Variants in SMARCA4 observed in about 807,000 individuals in gnomAD.
SMARCA4 encodes the protein SWI/SNF related BAF chromatin remodeling complex subunit ATPase 4.
Under a neutral mutation model 193.9 loss-of-function variants are expected in SMARCA4, and 31 were observed. The ratio of observed to expected loss-of-function variants is 0.16; its 90% CI spans 0.12 to 0.22. The LOEUF (loss-of-function observed/expected upper bound fraction) is 0.22, where lower values mean the gene tolerates loss of function less well. Ranked by LOEUF, SMARCA4 falls within the 10% of genes least tolerant of loss-of-function variation. SMARCA4 has a pLI of 1.00. For synonymous variants in SMARCA4, 942 were observed against 933.1 expected, an observed-to-expected ratio of 1.01 and a Z score of -0.17; for missense variants, 1,148 against 2,296.0, an observed-to-expected ratio of 0.50 and a Z score of 10.22.
Position 11,003,715 on chromosome 19 carries a change from T to G in SMARCA4, c.2001+318T>G, listed in dbSNP as rs549960117. On this transcript the variant is annotated intron_variant, in intron 13 of 34. Transcript: ENST00000344626. ...AATGGTCTGCCTCATTTGCCCATTT[T>G]TTTTTTTTTTTTTTGAAACGGAGTC... Among the ~76,000 whole-genome samples the G allele has an allele frequency of 1.2e-3, 185 of 151,788 alleles. 1 individual carries two copies. The highest frequency in any genetic ancestry group is 4.2e-3 in the African/African-American group (174 of 41,388).
chr19:11,033,812 A>G lies in SMARCA4; in HGVS notation c.3820A>G (p.Thr1274Ala), dbSNP rs1600393687. The G allele has an allele frequency of 1.3e-6, 1 of 779,380 alleles. No homozygotes were observed. The highest frequency in any genetic ancestry group is 2.3e-4 in the Middle Eastern group (1 of 4,444). 48.3% of individuals were successfully genotyped at this position (779,380 alleles called of 1,614,324 possible). ...CAGCGGCAGTGCCAGCTTCGCCCAC[A>G]CTGCCCCTCCGCCAGCGGGCGTCAA... ...TGSGSASFAH[T>A]APPPAGVNPD... is the part of the protein sequence containing the mutation. The change falls in exon 27 of 35, where the codon ACT becomes GCT. Residue 1274 changes from threonine to alanine, a missense_variant. Physicochemically the swap from Thr to Ala is moderately conservative, Grantham distance 58. Around this residue, in one of 17 missense-constraint regions of SMARCA4, gnomAD observed 84 missense variants for 202.2 expected, o/e 0.42. Transcript: ENST00000344626. The surrounding 1 kb of genome is among the most constrained non-coding windows in gnomAD (Gnocchi z 9.8).
intron 10 of SMARCA4, 31 bp downstream of exon 10, chr19:10,996,411 G>T: frequency 6.2e-7 from 1 of 1,613,808 alleles, no homozygotes; most frequent in Non-Finnish European, 8.5e-7. Context: ...TGCCCGCCGC[G>T]GGTGGGATGG....
Position 11,032,187 on chromosome 19 carries a change from G to A in SMARCA4, c.3547-1103G>A, listed in dbSNP as rs1368485481. On this transcript the variant is annotated intron_variant, in intron 25 of 34. Coordinates refer to ENST00000344626, the MANE Select transcript of SMARCA4 (RefSeq NM_003072.5). Reference sequence around the variant, plus strand: ...GCCCTGCCAGGAAGTGTGCTGACAGGGCAGGAGGGCTGAGCGGCAGACACA... The same window carrying A: ...GCCCTGCCAGGAAGTGTGCTGACAGAGCAGGAGGGCTGAGCGGCAGACACA... 2.0e-5 allele frequency: 3 copies of A among 152,240 alleles called. No homozygotes were observed. In the East Asian group the frequency reaches 5.8e-4, roughly 29 times the overall value. The allele number at this position is 152,240 out of a possible 1,614,324, so 9.4% of individuals were successfully genotyped here.
rs963956125 is a variant in SMARCA4 at position 11,033,227 on chromosome 19, G to A, written c.3547-63G>A. 16 of 1,287,400 alleles carry A rather than the reference G, an allele frequency of 1.2e-5. No homozygotes were observed. The East Asian group carries it at 3.2e-4, about 26-fold the overall frequency. 79.7% of individuals were successfully genotyped at this position (1,287,400 alleles called of 1,614,324 possible). ...GCACACCTCTCCAGCTAGTGTCAGA[G>A]GCCACCTTCCCTTTTATGACCTCCT... On this transcript the variant is annotated intron_variant, in intron 25 of 34. Coordinates refer to ENST00000344626, the MANE Select transcript of SMARCA4 (RefSeq NM_003072.5). The surrounding 1 kb of genome is among the most constrained non-coding windows in gnomAD (Gnocchi z 9.8).
intron 30 of SMARCA4, among the ~76,000 whole-genome samples, chr19:11,057,202 T>A (rs1276359625): frequency 2.6e-5 from 4 of 152,194 alleles, no homozygotes; most frequent in Non-Finnish European, 5.9e-5. Flanking sequence ...TTGCCATGCG[T>A]TCTCATTTTC....
At chr19:11,015,614 G>A (rs1216344520) in intron 16 of SMARCA4, among the ~76,000 whole-genome samples, 1 of 152,110 alleles carries the variant, frequency 6.6e-6, no homozygotes, top group Non-Finnish European at 1.5e-5. Flanking sequence ...CGACACTTGT[G>A]AATATCTCAT....
At position 10,985,478 on chromosome 19, in the gene SMARCA4, G is replaced by C. The variant is rs1039757191; in HGVS notation, c.355+73G>C. ...TCCTCAGATCATTTTCCTCCCCTGG[G>C]TTCCCACAGGATGGATTCAGGGAGT... On this transcript the variant is annotated intron_variant, in intron 3 of 34. Transcript: ENST00000344626. The surrounding 1 kb of genome is among the most constrained non-coding windows in gnomAD (Gnocchi z 4.5). 1 of 1,555,120 alleles carries C rather than the reference G, an allele frequency of 6.4e-7. No individual in the cohort carries two copies. The highest frequency in any genetic ancestry group is 8.8e-7 in the Non-Finnish European group (1 of 1,142,360).
chr19:11,019,058 A>G lies in SMARCA4; in HGVS notation c.2505+35A>G, dbSNP rs371372272. ...AGCCACTGAGGTTTCCTCTCTTGCT[A>G]CGGAGGTGCAGGCGGTGGTGGGCAG... On this transcript the variant is annotated intron_variant, in intron 17 of 34. Coordinates refer to ENST00000344626, the MANE Select transcript of SMARCA4 (RefSeq NM_003072.5). The surrounding 1 kb of genome is among the most constrained non-coding windows in gnomAD (Gnocchi z 6.1). 7 of 1,541,092 alleles carry G rather than the reference A, an allele frequency of 4.5e-6. No individual in the cohort carries two copies. In the African/African-American group the frequency reaches 6.8e-5, roughly 15 times the overall value.
Position 11,030,947 on chromosome 19 carries a change from C to T in SMARCA4, c.3546+54C>T, listed in dbSNP as rs1402457315. 3.9e-6 allele frequency: 6 copies of T among 1,545,814 alleles called. No homozygotes were observed. The highest frequency in any genetic ancestry group is 5.3e-6 in the Non-Finnish European group (6 of 1,133,222). On this transcript the variant is annotated intron_variant, in intron 25 of 34. Transcript: ENST00000344626. This position sits in a 1 kb window ranked among gnomAD's most constrained non-coding sequence, Gnocchi z 5.5. ...GAGAAGGAAGGGGGTGCCTGCAAAA[C>T]CTCGAGGAGACGGCCCTGGCTTGAG...
intron 30 of SMARCA4, among the ~76,000 whole-genome samples, chr19:11,051,189 C>T (rs1463271424): frequency 6.6e-6 from 1 of 152,234 alleles, no homozygotes; most frequent in Non-Finnish European, 1.5e-5. Flanking sequence ...GGGCCCTACC[C>T]CCAAGTCTCC....
intron 14 of SMARCA4, among the ~76,000 whole-genome samples, chr19:11,009,475 A>G (rs997231520): frequency 1.3e-5 from 2 of 152,140 alleles, no homozygotes; most frequent in Non-Finnish European, 2.9e-5. Flanking sequence ...GATGATCAGC[A>G]TCTGGCTAGG....
chr19:10,971,832 G>A (rs1427467766), intron 1 of SMARCA4, among the ~76,000 whole-genome samples: 1 of 150,614 alleles, frequency 6.6e-6, no homozygotes, highest in Admixed American at 6.6e-5. Context: ...GCCCAGGCTG[G>A]AGTGCAATGG....
chr19:10,989,705 CT>C lies in SMARCA4; in HGVS notation c.1245+277del, dbSNP rs377263433. On this transcript the variant is annotated intron_variant, in intron 7 of 34. Transcript: ENST00000344626. ...GGCTTCTTTCTTCCTTTCCCTTTCC[CT>C]TTTTTTTTTTTTTTGGAAACAGTCT... Among the ~76,000 whole-genome samples the C allele has an allele frequency of 0.014, 2,039 of 142,050 alleles. 93 individuals are homozygous for C. The East Asian group carries it at 0.18, about 12-fold the overall frequency. 93.2% of individuals were successfully genotyped at this position (142,050 alleles called of 152,430 possible).
intron 30 of SMARCA4, among the ~76,000 whole-genome samples, chr19:11,057,699 A>G (rs1315515776): frequency 6.6e-6 from 1 of 152,048 alleles, no homozygotes; most frequent in Non-Finnish European, 1.5e-5. Context: ...ATTGCGCTCC[A>G]GTCTGGCGAC....
intron 1 of SMARCA4, among the ~76,000 whole-genome samples, chr19:10,973,479 C>T (rs1171216757): frequency 3.3e-5 from 5 of 151,754 alleles, no homozygotes; most frequent in Non-Finnish European, 7.4e-5. Context: ...TGGCTCACTG[C>T]AAGCTCCGCC....
chr19:10,971,480 G>A (rs1197613592), intron 1 of SMARCA4, among the ~76,000 whole-genome samples: 1 of 149,824 alleles, frequency 6.7e-6, no homozygotes, highest in Non-Finnish European at 1.5e-5. Context: ...CCCTCTATGT[G>A]ACATTGTGTC....
At chr19:11,060,887 G>A (rs767605801) in intron 34 of SMARCA4, among the ~76,000 whole-genome samples, 37 of 152,194 alleles carry the variant, frequency 2.4e-4, no homozygotes, top group Non-Finnish European at 4.3e-4. Context: ...GACGAAAGAC[G>A]CACGTGACGT....
intron 1 of SMARCA4, among the ~76,000 whole-genome samples, chr19:10,972,602 C>T (rs980906792): frequency 2.7e-4 from 41 of 152,090 alleles, no homozygotes; most frequent in African/African-American, 8.9e-4. Flanking sequence ...TCTGCTGTGG[C>T]GGTGGGGAAG....
chr19:10,970,447 A>G (rs2084583299), intron 1 of SMARCA4, among the ~76,000 whole-genome samples: 1 of 152,122 alleles, frequency 6.6e-6, no homozygotes, highest in South Asian at 2.1e-4. Context: ...TTAGAGACAG[A>G]GTGTCACTCT....
Sources: allele counts gnomAD v4.1 joint callset (sites outside exome capture counted in the v4.1 genomes callset), GRCh38; gene constraint gnomAD v4.1.1; regional missense constraint gnomAD v4.1.1; non-coding constraint Gnocchi (gnomAD v3.1); transcripts MANE v1.5; gene names NCBI Gene and HGNC (gene_info 2026-07-23, HGNC 2026-07-21).